Variants in KCNMA1 observed in about 807,000 individuals in gnomAD.
KCNMA1 encodes the protein Calcium-activated potassium channel subunit alpha-1.
Under a neutral mutation model 140.0 loss-of-function variants are expected in KCNMA1, and 29 were observed. That is an observed-to-expected ratio of 0.21 (90% CI 0.15 to 0.28). The LOEUF is 0.28. KCNMA1 is among the 10% of genes least tolerant of loss of function. KCNMA1 has a pLI of 1.00. For synonymous variants in KCNMA1, 612 were observed against 611.9 expected (o/e 1.00, Z 0.00); for missense variants, 880 against 1,602.2 (o/e 0.55, Z 7.70).
At chr10:77,354,785 C>T (rs2093316562) in intron 2 of KCNMA1, among the ~76,000 whole-genome samples, 2 of 152,090 alleles carry the variant, frequency 1.3e-5, no homozygotes, top group South Asian at 4.1e-4. Context: ...CTGAATTATC[C>T]AAGGAAAGGC....
chr10:77,511,796 G>T (rs1468719271), intron 1 of KCNMA1, among the ~76,000 whole-genome samples: 1 of 152,194 alleles, frequency 6.6e-6, no homozygotes, highest in Admixed American at 6.5e-5. Context: ...TGGCACAGGG[G>T]TAAAAGAATT....
intron 14 of KCNMA1, among the ~76,000 whole-genome samples, chr10:77,064,432 G>A (rs558682238): frequency 2.7e-4 from 41 of 152,170 alleles, no homozygotes; most frequent in Non-Finnish European, 5.3e-4. Context: ...CAGAAGATCC[G>A]TTGACATTTT....
intron 19 of KCNMA1, chr10:76,995,705 G>A (rs1386694954): frequency 2.1e-6 from 1 of 470,332 alleles, no homozygotes; most frequent in South Asian, 1.6e-5. Context: ...CTGAGAACCG[G>A]CCACTGTCCT....
At chr10:76,949,711 C>A (rs549632011) in intron 21 of KCNMA1, among the ~76,000 whole-genome samples, 1 of 152,248 alleles carries the variant, frequency 6.6e-6, no homozygotes, top group East Asian at 1.9e-4. Flanking sequence ...AATATTTATG[C>A]TATTTGGAAA....
At position 76,983,364 on chromosome 10, in the gene KCNMA1, AAG is replaced by A. The variant is rs574626892; in HGVS notation, c.2267-13299_2267-13298del. Among the ~76,000 whole-genome samples the A allele has an allele frequency of 4.3e-3, 648 of 152,294 alleles. 5 individuals are homozygous for A. Among genetic ancestry groups the A allele is most frequent in the African/African-American group, 0.015 (614 of 41,528 alleles). The stretch of plus-strand genomic sequence containing the variant: ...GCCTGAGAAAAGTTTAAAAACTCAA[AAG>A]AGAGAAATCCTATTCAAAGAGTAAA... On this transcript the variant is annotated intron_variant, in intron 19 of 27. Coordinates refer to ENST00000286628, the MANE Select transcript of KCNMA1 (RefSeq NM_001161352.2).
At chr10:77,008,125 T>C in intron 18 of KCNMA1, 1 of 1,471,290 alleles carries the variant, frequency 6.8e-7, no homozygotes, top group Non-Finnish European at 9.2e-7. Context: ...AAAGAGTATC[T>C]CTTCTAGAGA....
intron 5 of KCNMA1, among the ~76,000 whole-genome samples, chr10:77,123,613 C>T (rs946131606): frequency 6.6e-5 from 10 of 152,172 alleles, no homozygotes; most frequent in African/African-American, 2.4e-4. Context: ...AACACTCTTC[C>T]ATGTTCCTTG....
intron 2 of KCNMA1, among the ~76,000 whole-genome samples, chr10:77,395,917 A>G (rs148399393): frequency 1.6e-4 from 24 of 152,342 alleles, no homozygotes; most frequent in African/African-American, 5.3e-4. Flanking sequence ...TCTAGTGCAA[A>G]TCTAGTGTAT....
intron 1 of KCNMA1, among the ~76,000 whole-genome samples, chr10:77,493,309 C>T (rs1263746807): frequency 6.6e-6 from 1 of 152,260 alleles, no homozygotes; most frequent in African/African-American, 2.4e-5. Flanking sequence ...GGCAGCAGAA[C>T]ACTTGGAGAA....
chr10:76,892,203 G>A (rs547423974), intron 25 of KCNMA1, among the ~76,000 whole-genome samples: 32 of 152,288 alleles, frequency 2.1e-4, no homozygotes, highest in Non-Finnish European at 3.7e-4. Flanking sequence ...CACGCTTAAC[G>A]ATTTACCACA....
chr10:77,459,149 G>A (rs1318036444), intron 1 of KCNMA1, among the ~76,000 whole-genome samples: 1 of 152,218 alleles, frequency 6.6e-6, no homozygotes, highest in Non-Finnish European at 1.5e-5. Flanking sequence ...AGGGGCATTT[G>A]AGTGGGATAG....
intron 1 of KCNMA1, among the ~76,000 whole-genome samples, chr10:77,497,784 G>A (rs1448972724): frequency 2.0e-5 from 3 of 152,216 alleles, no homozygotes; most frequent in Non-Finnish European, 2.9e-5. Flanking sequence ...TGGGGAATAA[G>A]GGAGAAAGTG....
At chr10:76,936,076 T>C (rs933982204) in intron 23 of KCNMA1, among the ~76,000 whole-genome samples, 10 of 152,328 alleles carry the variant, frequency 6.6e-5, no homozygotes, top group African/African-American at 2.2e-4. Flanking sequence ...AAATATGCTA[T>C]ATAGGAAAAA....
chr10:77,493,222 A>T (rs188110144), intron 1 of KCNMA1, among the ~76,000 whole-genome samples: 28 of 152,354 alleles, frequency 1.8e-4, no homozygotes, highest in Non-Finnish European at 7.3e-5. Flanking sequence ...CTCCAAGGGC[A>T]CCCCGGCTAA....
At chr10:77,112,732 T>C (rs1261977331) in intron 6 of KCNMA1, among the ~76,000 whole-genome samples, 1 of 152,202 alleles carries the variant, frequency 6.6e-6, no homozygotes. Context: ...TGTACGCTCT[T>C]CATTTAGACT....
At position 77,637,521 on chromosome 10, in the gene KCNMA1, G is replaced by A. The variant is rs766759815; in HGVS notation, c.122C>T (p.Ser41Phe). ...ANHLSLDASS[S>F]SSSSSSSSSS... ...AGAAGAGGAAGAGGAGGAGGAGGAG[G>A]AGGAGGACGCGTCTAGGCTGAGATG... The change falls in exon 1 of 28, where the codon TCC (serine) becomes TTC (phenylalanine). Residue 41 changes from serine to phenylalanine, a missense_variant. This residue lies in a region of KCNMA1 where 94 missense variants were observed against 92.4 expected (regional missense o/e 1.02). Coordinates refer to ENST00000286628, the MANE Select transcript of KCNMA1 (RefSeq NM_001161352.2). 2.7e-5 allele frequency: 42 copies of A among 1,563,782 alleles called. No individual in the cohort carries two copies. In the Admixed American group the frequency reaches 7.5e-4, roughly 28 times the overall value.
chr10:77,407,556 G>A (rs561412357), intron 1 of KCNMA1, among the ~76,000 whole-genome samples: 1 of 152,328 alleles, frequency 6.6e-6, no homozygotes, highest in South Asian at 2.1e-4. Context: ...TTACAGACAG[G>A]GTAACTAAGA....
rs148119974 is a variant in KCNMA1, at chr10:77,377,591, C to T, written c.540+26271G>A. Among the ~76,000 whole-genome samples the T allele has an allele frequency of 3.7e-3, 560 of 152,240 alleles. 4 individuals are homozygous for T. The highest frequency in any genetic ancestry group is 0.012 in the African/African-American group (505 of 41,540). On this transcript the variant is annotated intron_variant, in intron 2 of 27. Coordinates refer to ENST00000286628, the MANE Select transcript of KCNMA1 (RefSeq NM_001161352.2). ...TCTACTGAGAATCCCAAGGGTTTTG[C>T]GGAACTCTTGCTGGGCCATGAGGAT... is the stretch of plus-strand genomic sequence containing the variant.
intron 19 of KCNMA1, chr10:76,977,754 C>A: frequency 1.5e-6 from 1 of 649,354 alleles, no homozygotes; most frequent in Non-Finnish European, 2.8e-6. Flanking sequence ...CCCTACCACC[C>A]AACCTGCTAT....
Sources: allele counts gnomAD v4.1 joint callset (sites outside exome capture counted in the v4.1 genomes callset), GRCh38; gene constraint gnomAD v4.1.1; regional missense constraint gnomAD v4.1.1; transcripts MANE v1.5; gene names NCBI Gene and HGNC (gene_info 2026-07-23, HGNC 2026-07-21).